Variants in MAP2 observed in about 807,000 individuals in gnomAD.
MAP2 encodes the protein microtubule associated protein 2.
In MAP2, 14 loss-of-function variants were observed where a neutral mutation model predicts 137.6. The ratio of observed to expected loss-of-function variants is 0.10; its 90% CI spans 0.07 to 0.16. The LOEUF is 0.16. Ranked by LOEUF, MAP2 falls within the 10% of genes least tolerant of loss-of-function variation. The pLI is 1.00. For synonymous variants in MAP2, 786 were observed against 782.3 expected (o/e 1.00, Z -0.08); for missense variants, 2,088 against 2,191.5 (o/e 0.95, Z 0.94).
intron 4 of MAP2, among the ~76,000 whole-genome samples, chr2:209,644,411 C>T (rs1016723202): frequency 6.6e-6 from 1 of 151,974 alleles, no homozygotes; most frequent in Admixed American, 6.6e-5. Context: ...GGAGTTAGAA[C>T]TTGAATTCCA....
intron 5 of MAP2, among the ~76,000 whole-genome samples, chr2:209,666,946 T>C (rs886971359): frequency 1.3e-5 from 2 of 152,038 alleles, no homozygotes; most frequent in Non-Finnish European, 2.9e-5. Flanking sequence ...TTTCAACTTT[T>C]GCCTGTGTTC....
intron 5 of MAP2, among the ~76,000 whole-genome samples, chr2:209,675,946 A>C (rs933801954): frequency 6.6e-6 from 1 of 151,894 alleles, no homozygotes; most frequent in African/African-American, 2.4e-5. Context: ...TTTTAAGGTT[A>C]CTAAATGTAG....
chr2:209,586,515 T>A (rs538204518), intron 3 of MAP2, among the ~76,000 whole-genome samples: 1 of 152,274 alleles, frequency 6.6e-6, no homozygotes, highest in South Asian at 2.1e-4. Context: ...TCCATTCCCG[T>A]TTCCTGCCCT....
rs139733827 is a variant in MAP2, at chr2:209,620,871, A to G, written c.-106-4182A>G. On this transcript the variant is annotated intron_variant, in intron 3 of 15. Coordinates refer to ENST00000682079, the MANE Select transcript of MAP2 (RefSeq NM_001375505.1). ...AGAATTGACTGAATAGCTTAATGCT[A>G]GTCATTGAGGTTAAGCTTAGCCTTT... is the stretch of plus-strand genomic sequence containing the variant. Among the ~76,000 whole-genome samples the G allele has an allele frequency of 4.0e-3, 610 of 152,238 alleles. 5 individuals carry two copies. The highest frequency in any genetic ancestry group is 0.014 in the African/African-American group (575 of 41,544).
intron 2 of MAP2, among the ~76,000 whole-genome samples, chr2:209,526,881 T>C (rs1577137239): frequency 6.6e-6 from 1 of 152,050 alleles, no homozygotes; most frequent in African/African-American, 2.4e-5. Context: ...TGATCATCCA[T>C]GGCAGATCTA....
intron 1 of MAP2, among the ~76,000 whole-genome samples, chr2:209,434,229 T>C (rs535895029): frequency 2.0e-5 from 3 of 152,088 alleles, no homozygotes; most frequent in African/African-American, 7.2e-5. Context: ...AAATACACTT[T>C]GCAGACATTT....
intron 1 of MAP2, among the ~76,000 whole-genome samples, chr2:209,478,154 TC>T (rs1707819049): frequency 6.6e-6 from 1 of 152,044 alleles, no homozygotes; most frequent in South Asian, 2.1e-4. Flanking sequence ...AACAAAAAAT[TC>T]TGGTAAACAC....
chr2:209,538,743 A>T (rs1463578961), intron 2 of MAP2, among the ~76,000 whole-genome samples: 1 of 152,144 alleles, frequency 6.6e-6, no homozygotes, highest in Non-Finnish European at 1.5e-5. Flanking sequence ...ATGCTGAAAA[A>T]AACAAGCATT....
At chr2:209,539,093 G>A (rs956603134) in intron 2 of MAP2, among the ~76,000 whole-genome samples, 11 of 152,036 alleles carry the variant, frequency 7.2e-5, no homozygotes, top group Non-Finnish European at 1.5e-4. Flanking sequence ...TGATATGCTG[G>A]ACTAACATTT....
chr2:209,585,728 G>T (rs962579561), intron 3 of MAP2, among the ~76,000 whole-genome samples: 8 of 152,160 alleles, frequency 5.3e-5, no homozygotes, highest in Admixed American at 4.6e-4. Flanking sequence ...TAGTGGAATA[G>T]TTTGTATATT....
intron 3 of MAP2, among the ~76,000 whole-genome samples, chr2:209,605,714 A>G (rs1280277037): frequency 6.6e-6 from 1 of 152,174 alleles, no homozygotes; most frequent in African/African-American, 2.4e-5. Context: ...TGATACAGAA[A>G]TAATTATTTG....
At chr2:209,525,296 TTTCATA>T (rs1222243073) in intron 2 of MAP2, among the ~76,000 whole-genome samples, 1 of 152,172 alleles carries the variant, frequency 6.6e-6, no homozygotes, top group Non-Finnish European at 1.5e-5. Flanking sequence ...GAGATTAATT[TTTCATA>T]TCTATATTTA....
At position 209,693,795 on chromosome 2, in the gene MAP2, A is replaced by T; in HGVS notation, c.1625A>T (p.Asp542Val). The T allele has an allele frequency of 1.9e-6, 3 of 1,614,068 alleles. No individual in the cohort carries two copies. The highest frequency in any genetic ancestry group is 2.5e-6 in the Non-Finnish European group (3 of 1,179,978). The change falls in exon 8 of 16, where the codon GAT (aspartate) becomes GTT (valine). Residue 542 changes from aspartate to valine, a missense_variant. Asp to Val is a radical substitution (Grantham distance 152). Coordinates refer to ENST00000682079, the MANE Select transcript of MAP2 (RefSeq NM_001375505.1). ...CAGGAACTTTTTGAAATGAGAGTTG[A>T]TGACAAAGATAAGATTGAAGGAGTT... ...SIQELFEMRV[D>V]DKDKIEGVGA...
chr2:209,606,548 TG>T (rs11340703), intron 3 of MAP2, among the ~76,000 whole-genome samples: 8,932 of 152,004 alleles, frequency 0.059, 618 homozygotes, highest in South Asian at 0.23. Context: ...GGCATGGAAT[TG>T]GGGTTAAAAA....
At chr2:209,566,067 C>A (rs965454627) in intron 2 of MAP2, among the ~76,000 whole-genome samples, 1 of 152,204 alleles carries the variant, frequency 6.6e-6, no homozygotes, top group Admixed American at 6.5e-5. Flanking sequence ...TGACTATGCA[C>A]CTCCAGGCCA....
At chr2:209,620,034 T>C (rs780266509) in intron 3 of MAP2, among the ~76,000 whole-genome samples, 7 of 152,166 alleles carry the variant, frequency 4.6e-5, no homozygotes, top group Non-Finnish European at 1.0e-4. Flanking sequence ...AAGAAGGATG[T>C]ACCTAGAGAG....
intron 2 of MAP2, among the ~76,000 whole-genome samples, chr2:209,568,113 A>G (rs1458888838): frequency 6.6e-6 from 1 of 152,044 alleles, no homozygotes; most frequent in Non-Finnish European, 1.5e-5. Context: ...TGCATAGATA[A>G]TTAATTCTCT....
At chr2:209,530,706 A>G (rs1194360199) in intron 2 of MAP2, among the ~76,000 whole-genome samples, 1 of 152,190 alleles carries the variant, frequency 6.6e-6, no homozygotes, top group Admixed American at 6.5e-5. Flanking sequence ...GGTTCTTGAT[A>G]TATATTTTCA....
chr2:209,653,156 A>G lies in MAP2; in HGVS notation c.-15A>G, dbSNP rs780952531. ...TTCTCTTTCAGTTGCAGGAGAAATAACAAGGCATTGAAGAATGGCAGATGA... is the reference window on the plus strand; with the variant it reads ...TTCTCTTTCAGTTGCAGGAGAAATAGCAAGGCATTGAAGAATGGCAGATGA... On this transcript the variant is annotated 5_prime_UTR_variant, in exon 5 of 16. Coordinates refer to ENST00000682079, the MANE Select transcript of MAP2 (RefSeq NM_001375505.1). 1.3e-6 allele frequency: 2 copies of G among 1,568,522 alleles called. No homozygotes were observed. The highest frequency in any genetic ancestry group is 3.4e-4 in the Middle Eastern group (2 of 5,830).
Sources: allele counts gnomAD v4.1 joint callset (sites outside exome capture counted in the v4.1 genomes callset), GRCh38; gene constraint gnomAD v4.1.1; transcripts MANE v1.5; gene names NCBI Gene and HGNC (gene_info 2026-07-23, HGNC 2026-07-21).